The following MINDY4 variants were observed in gnomAD, a reference collection of about 807,000 sequenced individuals.
MINDY4 encodes the protein MINDY lysine 48 deubiquitinase 4, also known as probable ubiquitin carboxyl-terminal hydrolase MINDY-4.
Under a neutral mutation model 87.0 loss-of-function variants are expected in MINDY4, and 68 were observed. The ratio of observed to expected loss-of-function variants is 0.78; its 90% CI spans 0.64 to 0.96. The LOEUF (loss-of-function observed/expected upper bound fraction) is 0.96, where lower values mean the gene tolerates loss of function less well. MINDY4 is among the 40% of genes least tolerant of loss of function. The probability of loss-of-function intolerance (pLI) is 0.00; values close to 1 mark genes in which losing one functional copy is unlikely to be tolerated. For synonymous variants in MINDY4, 379 were observed against 363.2 expected (o/e 1.04, Z -0.50); for missense variants, 919 against 928.2 (o/e 0.99, Z 0.13).
intron 1 of MINDY4, among the ~76,000 whole-genome samples, chr7:30,774,128 C>T (rs910835184): frequency 6.6e-6 from 1 of 152,226 alleles, no homozygotes; most frequent in South Asian, 2.1e-4. Context: ...TGCAACTCTC[C>T]AGACTGTTTA....
At chr7:30,833,236 T>C (rs1788759610) in intron 6 of MINDY4, among the ~76,000 whole-genome samples, 1 of 152,188 alleles carries the variant, frequency 6.6e-6, no homozygotes, top group Non-Finnish European at 1.5e-5. Flanking sequence ...TGGGCAATTT[T>C]CAAAGGAAAC....
intron 13 of MINDY4, among the ~76,000 whole-genome samples, chr7:30,869,048 G>A (rs1790024932): frequency 6.6e-6 from 1 of 152,198 alleles, no homozygotes; most frequent in African/African-American, 2.4e-5. Context: ...GGCCCCCAGT[G>A]CAGGACAGCT....
chr7:30,791,193 G>C lies in MINDY4; in HGVS notation c.692G>C (p.Arg231Pro), dbSNP rs1337764679. ...QDSFHRHYLR[R>P]SSPSSSSTQP... is the part of the protein sequence containing the mutation. ...TCTTTTCACAGACACTATCTGAGACGGTCCTCACCGTCAAGCAGCTCCACC... is the reference window on the plus strand; with the variant it reads ...TCTTTTCACAGACACTATCTGAGACCGTCCTCACCGTCAAGCAGCTCCACC... The change falls in exon 5 of 18, where the codon CGG (arginine) becomes CCG (proline). Residue 231 changes from arginine (R) to proline (P), a missense_variant. Coordinates refer to ENST00000265299, the MANE Select transcript of MINDY4 (RefSeq NM_032222.3). 2 of 1,613,522 alleles carry C rather than the reference G, an allele frequency of 1.2e-6. No homozygotes were observed. Among genetic ancestry groups the C allele is most frequent in the South Asian group, 1.1e-5 (1 of 91,026 alleles).
chr7:30,873,076 C>A (rs1790155162), intron 14 of MINDY4, among the ~76,000 whole-genome samples: 1 of 152,196 alleles, frequency 6.6e-6, no homozygotes, highest in African/African-American at 2.4e-5. Context: ...GGTCCTGGCT[C>A]ACTTGCGCCC....
chr7:30,807,759 G>C (rs1340228575), intron 5 of MINDY4, among the ~76,000 whole-genome samples: 1 of 152,184 alleles, frequency 6.6e-6, no homozygotes, highest in East Asian at 1.9e-4. Context: ...GTTCTGTTCT[G>C]TTCTAATTAC....
intron 5 of MINDY4, among the ~76,000 whole-genome samples, chr7:30,806,940 A>G (rs1787827724): frequency 6.6e-6 from 1 of 152,218 alleles, no homozygotes. Flanking sequence ...GGTTTCACTC[A>G]ATTGTTTAAA....
intron 1 of MINDY4, among the ~76,000 whole-genome samples, chr7:30,776,362 C>T (rs1238626325): frequency 6.6e-6 from 1 of 152,162 alleles, no homozygotes; most frequent in Non-Finnish European, 1.5e-5. Flanking sequence ...CACTTTTCTC[C>T]CAAGTGTCTG....
At chr7:30,792,188 A>G (rs966347214) in intron 5 of MINDY4, among the ~76,000 whole-genome samples, 4 of 152,224 alleles carry the variant, frequency 2.6e-5, no homozygotes, top group African/African-American at 9.6e-5. Context: ...AATGATTCCT[A>G]CATTGATTGA....
intron 12 of MINDY4, chr7:30,859,012 G>A: frequency 1.4e-6 from 1 of 704,330 alleles, no homozygotes; most frequent in Non-Finnish European, 2.7e-6. Flanking sequence ...AGGACTCTGA[G>A]GTCACTGATG....
chr7:30,868,491 G>A (rs1449420529), intron 13 of MINDY4, among the ~76,000 whole-genome samples: 2 of 152,252 alleles, frequency 1.3e-5, no homozygotes, highest in Non-Finnish European at 2.9e-5. Flanking sequence ...AGCCTGCTCA[G>A]TGGCAGAGCC....
At position 30,782,112 on chromosome 7, in the gene MINDY4, G is replaced by C. The variant is rs199941438; in HGVS notation, c.319G>C (p.Val107Leu). Residue 107 changes from valine to leucine, a missense_variant, in exon 3 of 18, where the codon GTG becomes CTG. Coordinates refer to ENST00000265299, the MANE Select transcript of MINDY4 (RefSeq NM_032222.3). ...CTCAGTTCCAAAGAAAAATAACAAA[G>C]TGCCATCAAGATGCTCAGAGACTAC... ...ALSVPKKNNK[V>L]PSRCSETTLV... The C allele has an allele frequency of 4.3e-6, 7 of 1,613,888 alleles. No individual in the cohort carries two copies. The highest frequency in any genetic ancestry group is 1.6e-4 in the Middle Eastern group (1 of 6,062).
At chr7:30,779,612 T>C (rs1266226843) in intron 2 of MINDY4, 1 of 152,216 alleles carries the variant, frequency 6.6e-6, no homozygotes, top group Non-Finnish European at 1.5e-5. Flanking sequence ...TCGTCTAGCC[T>C]CTCAGCGTCC....
chr7:30,793,714 G>A (rs1038210794), intron 5 of MINDY4, among the ~76,000 whole-genome samples: 2 of 152,120 alleles, frequency 1.3e-5, no homozygotes, highest in Non-Finnish European at 2.9e-5. Flanking sequence ...TGGTGGGGAG[G>A]GGCTGCCCGT....
chr7:30,852,440 T>C (rs912733019), intron 11 of MINDY4, 161 bp downstream of exon 11: 1 of 916,796 alleles, frequency 1.1e-6, no homozygotes, highest in Non-Finnish European at 1.3e-6. Context: ...AGACGTGGGG[T>C]GGCTTTGGGG....
At chr7:30,888,179 C>T (rs1790691920) in intron 17 of MINDY4, among the ~76,000 whole-genome samples, 1 of 152,122 alleles carries the variant, frequency 6.6e-6, no homozygotes, top group African/African-American at 2.4e-5. Context: ...TCTGGGGGGA[C>T]AGGGCCTTAT....
At position 30,839,200 on chromosome 7, in the gene MINDY4, GA is replaced by G. The variant is rs770599639; in HGVS notation, c.1243del (p.Ile415Ter). 1.3e-6 allele frequency: 2 copies of G among 1,588,008 alleles called. No individual in the cohort carries two copies. The highest frequency in any genetic ancestry group is 1.7e-6 in the Non-Finnish European group (2 of 1,166,830). ...GTAAAACTCTCTCTTCTTTTTATAG[GA>G]AATAAAGACCCTTCTGTTTGGTTCC... ...SKPIDLSVAK[E>X]IKTLLFGSSF... On this transcript the variant is annotated frameshift_variant and splice_region_variant, in exon 8 of 18. Transcript: ENST00000265299. LOFTEE classifies it high-confidence loss of function.
intron 12 of MINDY4, among the ~76,000 whole-genome samples, chr7:30,856,619 A>G (rs1180142380): frequency 2.0e-5 from 3 of 152,046 alleles, no homozygotes; most frequent in Non-Finnish European, 4.4e-5. Flanking sequence ...CCAAGAAAGT[A>G]CTGCAGCTGC....
chr7:30,834,310 C>T (rs557553212), intron 6 of MINDY4, among the ~76,000 whole-genome samples: 2 of 152,364 alleles, frequency 1.3e-5, no homozygotes, highest in South Asian at 2.1e-4. Flanking sequence ...GCAGGCTCAA[C>T]ACCACATGGT....
At chr7:30,877,822 CTTTTTT>C (rs60164229) in intron 15 of MINDY4, among the ~76,000 whole-genome samples, 12 of 47,534 alleles carry the variant, frequency 2.5e-4, no homozygotes, top group African/African-American at 6.1e-4. Context: ...CAGGGACATG[CTTTTTT>C]TTTTTTTTTT....
Sources: allele counts gnomAD v4.1 joint callset (sites outside exome capture counted in the v4.1 genomes callset), GRCh38; gene constraint gnomAD v4.1.1; transcripts MANE v1.5; gene names NCBI Gene and HGNC (gene_info 2026-07-23, HGNC 2026-07-21).